The following MAPK14 variants were observed in gnomAD, a reference collection of about 807,000 sequenced individuals.
MAPK14 encodes the protein mitogen-activated protein kinase 14, also known as CSAID-binding protein.
Under a neutral mutation model 49.6 loss-of-function variants are expected in MAPK14, and 16 were observed. The observed-to-expected ratio is 0.32, with a 90% CI of 0.22 to 0.49. MAPK14 has a LOEUF of 0.49. MAPK14 is among the 20% of genes least tolerant of loss of function. The pLI, the probability that MAPK14 is intolerant of heterozygous loss-of-function variation, is 0.99. For synonymous variants in MAPK14, 142 were observed against 158.0 expected, an observed-to-expected ratio of 0.90 and a Z score of 0.76; for missense variants, 200 against 441.2, an observed-to-expected ratio of 0.45 and a Z score of 4.90.
intron 1 of MAPK14, among the ~76,000 whole-genome samples, chr6:36,044,011 T>C (rs959180940): frequency 2.6e-5 from 4 of 151,962 alleles, no homozygotes; most frequent in African/African-American, 7.3e-5. Flanking sequence ...GATTTCTCCA[T>C]GTTGGTCAGG....
chr6:36,070,389 A>C (rs1206575771), intron 3 of MAPK14, among the ~76,000 whole-genome samples: 2 of 152,136 alleles, frequency 1.3e-5, no homozygotes, highest in East Asian at 3.8e-4. Context: ...TTCTGTCTCT[A>C]TTTCCTTGTC....
At chr6:36,093,563 CA>C (rs1765326216) in intron 8 of MAPK14, among the ~76,000 whole-genome samples, 1 of 151,800 alleles carries the variant, frequency 6.6e-6, no homozygotes, top group Admixed American at 6.6e-5. Context: ...ACTAAAAATA[CA>C]AAAAATTAGC....
chr6:36,048,005 C>T (rs760248397), intron 1 of MAPK14, among the ~76,000 whole-genome samples: 42 of 151,836 alleles, frequency 2.8e-4, no homozygotes, highest in Non-Finnish European at 4.9e-4. Context: ...GGATTATAGG[C>T]GTGAGCCACT....
the MAPK14 span, among the ~76,000 whole-genome samples, chr6:36,119,818 T>C: frequency 5.9e-5 from 9 of 152,246 alleles, no homozygotes; most frequent in South Asian, 1.9e-3. Flanking sequence ...GTGCCGAGGC[T>C]GAGAAACAGA....
intron 8 of MAPK14, among the ~76,000 whole-genome samples, chr6:36,091,300 T>A (rs1765218924): frequency 6.6e-6 from 1 of 152,212 alleles, no homozygotes; most frequent in Admixed American, 6.5e-5. Context: ...CTGTTAAAGA[T>A]GACTTCGTCT....
intron 1 of MAPK14, among the ~76,000 whole-genome samples, chr6:36,050,263 A>G (rs1763342056): frequency 6.6e-6 from 1 of 152,206 alleles, no homozygotes; most frequent in African/African-American, 2.4e-5. Flanking sequence ...GAGTGATTAT[A>G]ATCATGGAAC....
Position 36,059,431 on chromosome 6 carries a change from A to G in MAPK14, c.305+84A>G, listed in dbSNP as rs70965451. On this transcript the variant is annotated intron_variant, in intron 3 of 11. Coordinates refer to ENST00000229794, the MANE Select transcript of MAPK14 (RefSeq NM_139012.3). ...TTCTATTCCTGAACCATTTAGCAAC[A>G]TATAGACTTCAAAAAATTCTTTATT... 2,268 of 980,840 alleles carry G rather than the reference A, an allele frequency of 2.3e-3. 40 individuals are homozygous for G. The East Asian group carries it at 0.042, about 18-fold the overall frequency. The allele number at this position is 980,840 out of a possible 1,614,324, so 60.8% of individuals were successfully genotyped here.
At chr6:36,071,199 G>T in intron 3 of MAPK14, among the ~76,000 whole-genome samples, 1 of 152,004 alleles carries the variant, frequency 6.6e-6, no homozygotes, top group Non-Finnish European at 1.5e-5. Context: ...CAGGCATGGT[G>T]GCGAGTACCT....
Position 36,108,428 on chromosome 6 carries a change from A to G in MAPK14, c.1064A>G (p.Gln355Arg). The G allele has an allele frequency of 1.9e-6, 3 of 1,613,964 alleles. No homozygotes were observed. Among genetic ancestry groups the G allele is most frequent in the East Asian group, 2.2e-5 (1 of 44,870 alleles). ...AGCTTTGTGCCACCACCCCTTGACC[A>G]AGAAGAGATGGAGTCCTGAGCACCT... is the stretch of plus-strand genomic sequence containing the variant. ...VISFVPPPLDQEEMES is the reference protein window; with the variant it reads ...VISFVPPPLDREEMES Residue 355 changes from glutamine to arginine, a missense_variant, in exon 12 of 12, where the codon CAA becomes CGA. This residue lies in a region of MAPK14 where 170 missense variants were observed against 407.0 expected (regional missense o/e 0.42). Coordinates refer to ENST00000229794, the MANE Select transcript of MAPK14 (RefSeq NM_139012.3).
intron 1 of MAPK14, among the ~76,000 whole-genome samples, chr6:36,051,140 G>A (rs1193585086): frequency 4.0e-5 from 6 of 149,138 alleles, no homozygotes; most frequent in South Asian, 2.1e-4. Flanking sequence ...TTTTGAGACC[G>A]AGTTTCACTC....
At chr6:36,069,009 A>T (rs1764168110) in intron 3 of MAPK14, among the ~76,000 whole-genome samples, 1 of 152,244 alleles carries the variant, frequency 6.6e-6, no homozygotes, top group South Asian at 2.1e-4. Flanking sequence ...TTAGCCTAAT[A>T]AAGTCCAACT....
rs1581857115 is a variant in MAPK14 at position 36,107,171 on chromosome 6, TC to T, written c.842-280del. Among the ~76,000 whole-genome samples the T allele has an allele frequency of 6.6e-6, 1 of 152,242 alleles. No individual in the cohort carries two copies. Among genetic ancestry groups the T allele is most frequent in the East Asian group, 1.9e-4 (1 of 5,188 alleles). On this transcript the variant is annotated intron_variant, in intron 10 of 11. Coordinates refer to ENST00000229794, the MANE Select transcript of MAPK14 (RefSeq NM_139012.3). The surrounding 1 kb of genome is among the most constrained non-coding windows in gnomAD (Gnocchi z 4.3). ...GTTAATGGGCACGCTAGAAGCCCAGTCCCCATCAGTCCGTGGTGAGACCCAT... is the reference window on the plus strand; with the variant it reads ...GTTAATGGGCACGCTAGAAGCCCAGTCCCATCAGTCCGTGGTGAGACCCAT...
chr6:36,033,765 A>G (rs1762635653), intron 1 of MAPK14, among the ~76,000 whole-genome samples: 1 of 152,226 alleles, frequency 6.6e-6, no homozygotes, highest in Non-Finnish European at 1.5e-5. Context: ...TTTCATGGGC[A>G]AGAGTGCAGA....
chr6:36,112,033 C>T (rs546820277), downstream of MAPK14, among the ~76,000 whole-genome samples: 20 of 152,052 alleles, frequency 1.3e-4, no homozygotes, highest in East Asian at 1.7e-3. Context: ...GGTGAAACCC[C>T]GTCTCTACTA....
At chr6:36,081,772 CAAA>C (rs772461601) in intron 8 of MAPK14, among the ~76,000 whole-genome samples, 158 of 150,976 alleles carry the variant, frequency 1.0e-3, no homozygotes, top group African/African-American at 3.8e-3. Flanking sequence ...TCTATTTCTG[CAAA>C]AAAAAGGCTT....
At chr6:36,035,102 T>C (rs1762691138) in intron 1 of MAPK14, among the ~76,000 whole-genome samples, 1 of 152,148 alleles carries the variant, frequency 6.6e-6, no homozygotes, top group Admixed American at 6.5e-5. Context: ...TTTCACCATG[T>C]TGGTCAGGCT....
At chr6:36,116,077 C>A (rs912913461), downstream of MAPK14, among the ~76,000 whole-genome samples, 1 of 152,158 alleles carries the variant, frequency 6.6e-6, no homozygotes, top group African/African-American at 2.4e-5. Context: ...CCACTGCACT[C>A]CAGCCTGGGT....
In MAPK14 at chr6:36,108,675, G is replaced by T. The variant is rs571922785; in HGVS notation, c.*228G>T. 5.5e-6 allele frequency: 3 copies of T among 543,284 alleles called. No homozygotes were observed. In the South Asian group the frequency reaches 6.3e-5, roughly 11 times the overall value. The allele number at this position is 543,284 out of a possible 1,614,324, so 33.7% of individuals were successfully genotyped here. A position where few individuals can be genotyped will look rare whatever the true frequency, so the allele number is the denominator to read the frequency against. ...TATGATCACAGTGACTTTACAGGAG[G>T]TTGTGGATGCTCCAGGGCAGCCTCC... is the stretch of plus-strand genomic sequence containing the variant. On this transcript the variant is annotated 3_prime_UTR_variant, in exon 12 of 12. Coordinates refer to ENST00000229794, the MANE Select transcript of MAPK14 (RefSeq NM_139012.3).
intron 5 of MAPK14, 116 bp downstream of exon 5, chr6:36,073,836 A>G (rs1764409065): frequency 8.9e-7 from 1 of 1,120,356 alleles, no homozygotes; most frequent in Non-Finnish European, 1.3e-6. Flanking sequence ...ATTGATTGCA[A>G]CTTTACTGTA....
Sources: allele counts gnomAD v4.1 joint callset (sites outside exome capture counted in the v4.1 genomes callset), GRCh38; gene constraint gnomAD v4.1.1; regional missense constraint gnomAD v4.1.1; non-coding constraint Gnocchi (gnomAD v3.1); transcripts MANE v1.5; gene names NCBI Gene and HGNC (gene_info 2026-07-23, HGNC 2026-07-21).